Variants in RAB31 observed in about 807,000 individuals in gnomAD.
The protein encoded by RAB31 is RAB31, member RAS oncogene family, also known as ras-related protein Rab-31.
In RAB31, 21 loss-of-function variants were observed where a neutral mutation model predicts 25.6. The observed-to-expected ratio is 0.82, with a 90% CI of 0.58 to 1.18. The LOEUF (loss-of-function observed/expected upper bound fraction) is 1.18, where lower values mean the gene tolerates loss of function less well. Among genes scored for constraint, RAB31 ranks in the 50% most tolerant of loss-of-function variants. The probability of loss-of-function intolerance (pLI) is 0.00; values close to 1 mark genes in which losing one functional copy is unlikely to be tolerated. For missense variants in RAB31, 196 were observed against 250.1 expected (o/e 0.78, Z 1.46); for synonymous variants, 87 against 84.0 (o/e 1.04, Z -0.20).
intron 1 of RAB31, among the ~76,000 whole-genome samples, chr18:9,721,017 C>T (rs747908217): frequency 9.2e-5 from 14 of 152,132 alleles, no homozygotes; most frequent in South Asian, 2.1e-4. Flanking sequence ...AGGGCAGCCA[C>T]CTCCTTTTGG....
chr18:9,712,465 G>A (rs1024996472), intron 1 of RAB31, among the ~76,000 whole-genome samples: 2 of 152,206 alleles, frequency 1.3e-5, no homozygotes, highest in Admixed American at 6.5e-5. Flanking sequence ...AGTGTCATTC[G>A]TCCCACTTTG....
At chr18:9,831,959 G>A (rs148486689) in intron 5 of RAB31, among the ~76,000 whole-genome samples, 185 of 152,268 alleles carry the variant, frequency 1.2e-3, no homozygotes, top group Admixed American at 3.5e-3. Context: ...TGGTAGCCAC[G>A]GAGGGCCTGC....
At chr18:9,819,417 G>A (rs568244284) in intron 5 of RAB31, among the ~76,000 whole-genome samples, 2 of 146,924 alleles carry the variant, frequency 1.4e-5, no homozygotes, top group Non-Finnish European at 1.5e-5. Context: ...AACTTTATTA[G>A]TTGATCTACA....
intron 2 of RAB31, among the ~76,000 whole-genome samples, chr18:9,781,574 A>G (rs1470451988): frequency 6.6e-6 from 1 of 152,128 alleles, no homozygotes; most frequent in Non-Finnish European, 1.5e-5. Context: ...TGGCCTCCCA[A>G]AGGAGTTTAC....
intron 5 of RAB31, chr18:9,830,634 GT>G (rs916305845): frequency 3.3e-5 from 5 of 152,024 alleles, no homozygotes; most frequent in African/African-American, 1.2e-4. Context: ...AGGCTGTGTT[GT>G]TTTTTCATCA....
rs1354201492 is a variant in RAB31 at position 9,861,202 on chromosome 18, AG to A, written c.*1878del. On this transcript the variant is annotated 3_prime_UTR_variant, in exon 7 of 7. Coordinates refer to ENST00000578921, the MANE Select transcript of RAB31 (RefSeq NM_006868.4). ...ACCTTTCCTCATCCAGTTTTCCCTG[AG>A]AACCTGGGTTTATCTCTAGATAGCT... 6.6e-6 allele frequency: 1 copy of A among 151,794 alleles called. No individual in the cohort carries two copies. Among genetic ancestry groups the A allele is most frequent in the Non-Finnish European group, 1.5e-5 (1 of 67,982 alleles). 9.4% of individuals were successfully genotyped at this position (151,794 alleles called of 1,614,324 possible).
chr18:9,849,929 T>C (rs1218093305), intron 6 of RAB31, among the ~76,000 whole-genome samples: 1 of 152,168 alleles, frequency 6.6e-6, no homozygotes, highest in Admixed American at 6.5e-5. Flanking sequence ...CCCCTCAAGC[T>C]TTTAAAGCAG....
chr18:9,761,268 A>C (rs1031554), intron 1 of RAB31, among the ~76,000 whole-genome samples: 75,748 of 152,040 alleles, frequency 0.5, 19,139 homozygotes, highest in East Asian at 0.66. Context: ...ATAATCCTAT[A>C]AAACTTTGCT....
intron 2 of RAB31, among the ~76,000 whole-genome samples, chr18:9,780,170 T>G (rs2068394700): frequency 7.1e-6 from 1 of 141,612 alleles, no homozygotes. Context: ...AGTGAAATAC[T>G]GTTCCAAAAA....
intron 1 of RAB31, among the ~76,000 whole-genome samples, chr18:9,733,814 C>T (rs1318335172): frequency 1.3e-5 from 2 of 151,748 alleles, no homozygotes. Flanking sequence ...GACATTGTAC[C>T]GTTGTTTTCT....
Position 9,857,686 on chromosome 18 carries a change from T to TAGATAGATGATA in RAB31, c.491-1542_491-1541insAGATAGATGATA, listed in dbSNP as rs1555693032. ...ATAGATAGATAGATAGATAGATAGA[T>TAGATAGATGATA]GATAGATAGATAGATAGATAGATAG... On this transcript the variant is annotated intron_variant, in intron 6 of 6. Coordinates refer to ENST00000578921, the MANE Select transcript of RAB31 (RefSeq NM_006868.4). 8.4e-3 allele frequency among the ~76,000 whole-genome samples: 956 copies of TAGATAGATGATA among 114,016 alleles called. 1 individual carries two copies. Among genetic ancestry groups the TAGATAGATGATA allele is most frequent in the Middle Eastern group, 8.8e-3 (2 of 226 alleles). The allele number at this position is 114,016 out of a possible 152,430, so 74.8% of individuals were successfully genotyped here.
intron 2 of RAB31, among the ~76,000 whole-genome samples, chr18:9,783,379 C>A (rs2298504): frequency 0.2 from 30,623 of 152,026 alleles, 3,634 homozygotes; most frequent in East Asian, 0.5. Context: ...GGTTCCCCCC[C>A]CTTACCTGCA....
intron 1 of RAB31, among the ~76,000 whole-genome samples, chr18:9,753,177 T>G (rs929114322): frequency 1.3e-5 from 2 of 152,224 alleles, no homozygotes; most frequent in African/African-American, 4.8e-5. Flanking sequence ...TTTGTGATAC[T>G]GCTATGATTT....
intron 3 of RAB31, among the ~76,000 whole-genome samples, chr18:9,798,370 C>G (rs1166214326): frequency 6.6e-6 from 1 of 152,162 alleles, no homozygotes; most frequent in East Asian, 1.9e-4. Flanking sequence ...CAGCTTGTTG[C>G]TGGCTTTAAT....
chr18:9,835,312 G>A (rs2068698523), intron 5 of RAB31, among the ~76,000 whole-genome samples: 1 of 152,166 alleles, frequency 6.6e-6, no homozygotes, highest in South Asian at 2.1e-4. Flanking sequence ...GATCCGCTCA[G>A]AGGATTTGGA....
intron 5 of RAB31, among the ~76,000 whole-genome samples, chr18:9,816,778 G>T (rs1326142389): frequency 9.2e-5 from 14 of 152,214 alleles, no homozygotes; most frequent in African/African-American, 1.7e-4. Flanking sequence ...TAGCGAATTT[G>T]TGGTATCTCC....
intron 4 of RAB31, among the ~76,000 whole-genome samples, chr18:9,814,475 G>A (rs533477944): frequency 9.9e-5 from 15 of 152,162 alleles, no homozygotes; most frequent in African/African-American, 3.4e-4. Context: ...GTAAATCTTT[G>A]TGTGTGTATA....
intron 1 of RAB31, chr18:9,758,240 T>C (rs1030105922): frequency 2.6e-5 from 4 of 152,288 alleles, no homozygotes; most frequent in African/African-American, 9.6e-5. Flanking sequence ...GTTTGCAAAA[T>C]GACCTGCTCA....
At chr18:9,757,918 C>G (rs1439485797) in intron 1 of RAB31, 1 of 152,240 alleles carries the variant, frequency 6.6e-6, no homozygotes, top group African/African-American at 2.4e-5. Context: ...ATTTCATCTT[C>G]TTCCTTGTGT....
Sources: gnomAD v4.1 joint callset for allele counts (sites outside exome capture counted in the v4.1 genomes callset) on GRCh38, gnomAD v4.1.1 for gene constraint, MANE v1.5 for transcripts, NCBI Gene and HGNC (gene_info 2026-07-23, HGNC 2026-07-21) for gene names.